Variants in ASZ1 observed in about 807,000 individuals in gnomAD.
The protein encoded by ASZ1 is ankyrin repeat, SAM and basic leucine zipper domain containing 1.
In ASZ1, 67 loss-of-function variants were observed where a neutral mutation model predicts 61.8. The observed-to-expected ratio is 1.08, with a 90% CI of 0.89 to 1.33. ASZ1 has a LOEUF of 1.33. Ranked by LOEUF, ASZ1 falls within the 40% of genes most tolerant of loss-of-function variation. The pLI, the probability that ASZ1 is intolerant of heterozygous loss-of-function variation, is 0.00. For missense variants in ASZ1, 577 were observed against 554.5 expected (o/e 1.04, Z -0.41); for synonymous variants, 193 against 192.7 (o/e 1.00, Z -0.01).
At chr7:117,422,147 G>A in intron 3 of ASZ1, 90 bp downstream of exon 3, 1 of 1,400,466 alleles carries the variant, frequency 7.1e-7, no homozygotes, top group Non-Finnish European at 9.7e-7. Context: ...ACTTCAAATG[G>A]CTTTAGTTTT....
intron 4 of ASZ1, among the ~76,000 whole-genome samples, chr7:117,393,195 C>T (rs1796506415): frequency 6.6e-6 from 1 of 151,956 alleles, no homozygotes; most frequent in African/African-American, 2.4e-5. Context: ...TTGTGGTCTA[C>T]AACATAACTT....
chr7:117,366,433 A>C (rs183235449), intron 12 of ASZ1, among the ~76,000 whole-genome samples: 2 of 152,154 alleles, frequency 1.3e-5, no homozygotes, highest in African/African-American at 2.4e-5. Context: ...TAAATAATGT[A>C]TAATCTATCC....
chr7:117,380,308 T>C (rs1034623719), intron 9 of ASZ1, among the ~76,000 whole-genome samples: 4 of 151,694 alleles, frequency 2.6e-5, no homozygotes, highest in Admixed American at 1.3e-4. Context: ...CCAAAACAAA[T>C]TACTAGAACT....
chr7:117,376,624 A>C (rs1275163570), intron 10 of ASZ1, among the ~76,000 whole-genome samples: 2 of 152,198 alleles, frequency 1.3e-5, no homozygotes, highest in Non-Finnish European at 2.9e-5. Flanking sequence ...CCAGGTATGC[A>C]AGGTTGGCTC....
intron 4 of ASZ1, among the ~76,000 whole-genome samples, chr7:117,417,832 T>C (rs1797025039): frequency 6.6e-6 from 1 of 152,226 alleles, no homozygotes; most frequent in Non-Finnish European, 1.5e-5. Flanking sequence ...AATTCTCTAA[T>C]TATTTTAGAG....
At chr7:117,403,868 C>T (rs1430164853) in intron 4 of ASZ1, among the ~76,000 whole-genome samples, 1 of 152,166 alleles carries the variant, frequency 6.6e-6, no homozygotes, top group African/African-American at 2.4e-5. Context: ...CTCCACTTCC[C>T]ATCAGATCAG....
intron 4 of ASZ1, among the ~76,000 whole-genome samples, chr7:117,399,286 CA>C (rs1796633770): frequency 6.6e-6 from 1 of 152,070 alleles, no homozygotes; most frequent in South Asian, 2.1e-4. Context: ...ACAAAAACCC[CA>C]AAAACCAAAC....
chr7:117,400,877 T>C (rs1348165068), intron 4 of ASZ1, among the ~76,000 whole-genome samples: 1 of 152,192 alleles, frequency 6.6e-6, no homozygotes, highest in African/African-American at 2.4e-5. Context: ...AAATCCAGCC[T>C]TGAACCATCT....
chr7:117,396,215 C>A (rs1365782321), intron 4 of ASZ1, among the ~76,000 whole-genome samples: 1 of 152,124 alleles, frequency 6.6e-6, no homozygotes, highest in Non-Finnish European at 1.5e-5. Flanking sequence ...AAGAACAGTA[C>A]CATGCACAAA....
Position 117,384,878 on chromosome 7 carries a change from A to G in ASZ1, c.553-18T>C. 6.5e-7 allele frequency: 1 copy of G among 1,549,702 alleles called. No homozygotes were observed. The highest frequency in any genetic ancestry group is 1.3e-5 in the South Asian group (1 of 78,962). The stretch of plus-strand genomic sequence containing the variant: ...GTTAAAGCCTGTAAGTAGGGGGAAA[A>G]GAAGATTGTTTAAAGAGAAGGAGTG... On this transcript the variant is annotated intron_variant, in intron 5 of 12. Transcript: ENST00000284629.
chr7:117,390,030 GC>G (rs1172035695), intron 4 of ASZ1, among the ~76,000 whole-genome samples: 2 of 152,010 alleles, frequency 1.3e-5, no homozygotes, highest in African/African-American at 4.8e-5. Context: ...TAGGATAATG[GC>G]CTCCAGCTGC....
chr7:117,369,048 AT>A (rs748632724), intron 10 of ASZ1, among the ~76,000 whole-genome samples: 3 of 152,136 alleles, frequency 2.0e-5, no homozygotes, highest in Non-Finnish European at 2.9e-5. Context: ...TACATTTGTT[AT>A]TTCTTTTGAT....
intron 9 of ASZ1, among the ~76,000 whole-genome samples, 196 bp from the exon 10 acceptor site, chr7:117,380,243 A>AT (rs1796225096): frequency 1.3e-5 from 2 of 151,852 alleles, no homozygotes; most frequent in Non-Finnish European, 3.0e-5. Context: ...GAATATTGAG[A>AT]TATATAATAA....
At chr7:117,369,115 C>T (rs1343428178) in intron 10 of ASZ1, among the ~76,000 whole-genome samples, 1 of 152,118 alleles carries the variant, frequency 6.6e-6, no homozygotes, top group African/African-American at 2.4e-5. Context: ...ATAGTGGAGA[C>T]ATCTAAAATT....
rs563728467 is a variant in ASZ1 at position 117,395,920 on chromosome 7, G to A, written c.441-10111C>T. 1.1e-4 allele frequency among the ~76,000 whole-genome samples: 16 copies of A among 152,254 alleles called. 1 individual carries two copies. The East Asian group carries it at 3.1e-3, about 29-fold the overall frequency. Reference sequence around the variant, plus strand: ...TTTGTTACAACCACTCAACTCTGCTGTTGTATCATGAACATAGCCATAGAC... The same window carrying A: ...TTTGTTACAACCACTCAACTCTGCTATTGTATCATGAACATAGCCATAGAC... On this transcript the variant is annotated intron_variant, in intron 4 of 12. Transcript: ENST00000284629.
chr7:117,402,300 T>C (rs1193685819), intron 4 of ASZ1, among the ~76,000 whole-genome samples: 1 of 152,192 alleles, frequency 6.6e-6, no homozygotes, highest in Admixed American at 6.5e-5. Flanking sequence ...CATCTGTCTC[T>C]GGGAATTCCC....
chr7:117,426,725 T>C (rs1797224115), intron 2 of ASZ1, 111 bp downstream of exon 2: 2 of 953,386 alleles, frequency 2.1e-6, no homozygotes, highest in South Asian at 3.6e-5. Flanking sequence ...GGATGATACA[T>C]TAACATTTGT....
In ASZ1 at chr7:117,383,000, T is replaced by C; in HGVS notation, c.798A>G (p.Lys266=). ...TGCTATATTACCTAAAAATGTGATC[T>C]TTTTCTCTATCAGAATCTGTTGTCA... The part of the protein sequence containing the change: ...KILTTDSDRE[K]DHIFSSYTAF... The change falls in exon 7 of 13, where the codon AAA becomes AAG. Residue 266 remains lysine (K), a synonymous_variant. Coordinates refer to ENST00000284629, the MANE Select transcript of ASZ1 (RefSeq NM_130768.3). The C allele has an allele frequency of 1.9e-6, 3 of 1,572,986 alleles. No individual in the cohort carries two copies. Among genetic ancestry groups the C allele is most frequent in the Non-Finnish European group, 2.6e-6 (3 of 1,163,510 alleles).
At chr7:117,407,500 G>C (rs1349774878) in intron 4 of ASZ1, among the ~76,000 whole-genome samples, 1 of 151,936 alleles carries the variant, frequency 6.6e-6, no homozygotes, top group East Asian at 1.9e-4. Context: ...GCCACAGATA[G>C]TAGTGAACCA....
Sources: allele counts gnomAD v4.1 joint callset (sites outside exome capture counted in the v4.1 genomes callset), GRCh38; gene constraint gnomAD v4.1.1; transcripts MANE v1.5; gene names NCBI Gene and HGNC (gene_info 2026-07-23, HGNC 2026-07-21).